The following RNF150 variants were observed in gnomAD, a reference collection of about 807,000 sequenced individuals.
RNF150 encodes ring finger protein 150.
Under a neutral mutation model 39.3 loss-of-function variants are expected in RNF150, and 24 were observed. That is an observed-to-expected ratio of 0.61 (90% CI 0.44 to 0.86). RNF150 has a LOEUF of 0.86. Ranked by LOEUF, RNF150 falls within the 40% of genes least tolerant of loss-of-function variation. The pLI, the probability that RNF150 is intolerant of heterozygous loss-of-function variation, is 0.00. For synonymous variants in RNF150, 255 were observed against 227.3 expected, an observed-to-expected ratio of 1.12 and a Z score of -1.10; for missense variants, 502 against 587.8, an observed-to-expected ratio of 0.85 and a Z score of 1.51.
chr4:141,132,637 C>T lies in RNF150; in HGVS notation c.172G>A (p.Gly58Arg), dbSNP rs1439579087. 1.3e-6 allele frequency: 2 copies of T among 1,585,508 alleles called. No homozygotes were observed. Among genetic ancestry groups the T allele is most frequent in the African/African-American group, 1.4e-5 (1 of 72,660 alleles). The stretch of plus-strand genomic sequence containing the variant: ...TCCGCGCCGCCGCCGCCCGCCGCCC[C>T]GGCCCCGGGGTCCGGCGCGGGCTCG... ...YAEPAPDPGAGAAGGGGAELH... is the reference protein window; with the variant it reads ...YAEPAPDPGARAAGGGGAELH... Residue 58 changes from glycine to arginine, a missense_variant, in exon 1 of 7, where the codon GGG (glycine) becomes AGG (arginine). Physicochemically the swap from Gly to Arg is moderately radical, Grantham distance 125 (BLOSUM62 -2). Coordinates refer to ENST00000515673, the MANE Select transcript of RNF150 (RefSeq NM_020724.2). The surrounding 1 kb of genome is among the most constrained non-coding windows in gnomAD (Gnocchi z 4.9).
chr4:140,988,157 G>A (rs1734072822), intron 1 of RNF150, among the ~76,000 whole-genome samples: 1 of 152,162 alleles, frequency 6.6e-6, no homozygotes, highest in Non-Finnish European at 1.5e-5. Context: ...GCTGGTGGGA[G>A]TGTAAATTAG....
intron 1 of RNF150, among the ~76,000 whole-genome samples, chr4:141,041,301 G>C (rs1365516429): frequency 6.6e-6 from 1 of 152,034 alleles, no homozygotes; most frequent in Non-Finnish European, 1.5e-5. Flanking sequence ...CATGGCAAAG[G>C]CAATAATGAA....
chr4:140,881,433 G>A (rs1729369232), intron 6 of RNF150, among the ~76,000 whole-genome samples: 1 of 152,072 alleles, frequency 6.6e-6, no homozygotes, highest in African/African-American at 2.4e-5. Flanking sequence ...CAATCTGCTG[G>A]GATTACAAGC....
At chr4:141,190,678 G>C (rs1728095620) in intron 1 of RNF150, among the ~76,000 whole-genome samples, 2 of 152,112 alleles carry the variant, frequency 1.3e-5, no homozygotes, top group Non-Finnish European at 2.9e-5. Flanking sequence ...GAAAATAAAA[G>C]GATATTGTTT....
chr4:141,177,232 A>T (rs989065061), intron 1 of RNF150, among the ~76,000 whole-genome samples: 2 of 151,444 alleles, frequency 1.3e-5, no homozygotes, highest in Non-Finnish European at 2.9e-5. Context: ...CTTATCTCTT[A>T]AAAAAAATGT....
intron 4 of RNF150, among the ~76,000 whole-genome samples, chr4:140,943,613 A>G (rs1290235160): frequency 1.3e-5 from 2 of 152,184 alleles, no homozygotes; most frequent in Non-Finnish European, 2.9e-5. Flanking sequence ...ACCATTCTCT[A>G]TCATGAATAC....
intron 1 of RNF150, among the ~76,000 whole-genome samples, chr4:140,974,206 TG>T (rs1369683676): frequency 2.0e-5 from 3 of 152,190 alleles, no homozygotes; most frequent in Non-Finnish European, 4.4e-5. Context: ...CCCTAAGCCT[TG>T]TATATTCTCC....
chr4:141,209,662 T>G (rs1728431628), intron 1 of RNF150, among the ~76,000 whole-genome samples: 1 of 152,142 alleles, frequency 6.6e-6, no homozygotes, highest in African/African-American at 2.4e-5. Context: ...TTTAAATTTA[T>G]TAAGAGTTCA....
At chr4:141,084,952 G>C (rs1450932455) in intron 1 of RNF150, among the ~76,000 whole-genome samples, 1 of 152,182 alleles carries the variant, frequency 6.6e-6, no homozygotes, top group African/African-American at 2.4e-5. Context: ...ATGGCAAAGT[G>C]ATGTTCTGTA....
At chr4:141,000,065 GAAGAAGA>G (rs1734594119) in intron 1 of RNF150, among the ~76,000 whole-genome samples, 3 of 100,582 alleles carry the variant, frequency 3.0e-5, no homozygotes, top group African/African-American at 1.1e-4. Flanking sequence ...AGAAGAAGAA[GAAGAAGA>G]AGAAGAAGAA....
intron 1 of RNF150, among the ~76,000 whole-genome samples, chr4:141,060,130 C>T (rs1279612025): frequency 6.6e-6 from 1 of 152,116 alleles, no homozygotes; most frequent in Non-Finnish European, 1.5e-5. Context: ...AAAAAGGTGG[C>T]TATAACAAAA....
intron 1 of RNF150, among the ~76,000 whole-genome samples, chr4:141,092,898 T>C (rs942325434): frequency 6.6e-6 from 1 of 151,846 alleles, no homozygotes; most frequent in African/African-American, 2.4e-5. Flanking sequence ...TAAACATCTC[T>C]TGTAAAACAT....
chr4:140,973,637 G>A (rs1310316857), intron 1 of RNF150, among the ~76,000 whole-genome samples: 10 of 152,222 alleles, frequency 6.6e-5, no homozygotes, highest in Admixed American at 5.2e-4. Context: ...AGCACTTTGG[G>A]AGGCTGAGGT....
chr4:140,938,225 T>C (rs1346056), intron 4 of RNF150, among the ~76,000 whole-genome samples: 87,923 of 151,964 alleles, frequency 0.58, 26,091 homozygotes, highest in Non-Finnish European at 0.64. Context: ...GTGTCTTTTT[T>C]CAGTGATTTC....
intron 1 of RNF150, among the ~76,000 whole-genome samples, chr4:141,145,026 T>C (rs1272098859): frequency 6.6e-6 from 1 of 152,200 alleles, no homozygotes; most frequent in Non-Finnish European, 1.5e-5. Context: ...TTCCCTGACG[T>C]CTAGATTAAA....
At chr4:141,187,685 TG>T (rs1728037410) in intron 1 of RNF150, among the ~76,000 whole-genome samples, 1 of 152,218 alleles carries the variant, frequency 6.6e-6, no homozygotes, top group East Asian at 1.9e-4. Flanking sequence ...CCTGCTTTTT[TG>T]CTTTCCATTT....
In RNF150 at chr4:141,153,626, T is replaced by G. The variant is rs1578769628; in HGVS notation, c.-6+59168A>C. ...GTAAAGAAATAATGGTAAAACATCT[T>G]CAGATGAGCATTCACCTATCCAAAG... On this transcript the variant is annotated intron_variant, in intron 1 of 7. Transcript: ENST00000420921. 3.3e-5 allele frequency among the ~76,000 whole-genome samples: 5 copies of G among 152,258 alleles called. No homozygotes were observed. The South Asian group carries it at 1.0e-3, about 32-fold the overall frequency.
intron 4 of RNF150, among the ~76,000 whole-genome samples, chr4:140,931,760 A>G (rs1490129767): frequency 1.3e-5 from 2 of 152,244 alleles, no homozygotes; most frequent in Non-Finnish European, 2.9e-5. Flanking sequence ...AAACATTTTA[A>G]AAATAGTTCT....
At chr4:141,090,811 GT>G (rs1020478118) in intron 1 of RNF150, among the ~76,000 whole-genome samples, 5 of 151,416 alleles carry the variant, frequency 3.3e-5, no homozygotes, top group African/African-American at 9.7e-5. Flanking sequence ...TTTTTGTTTT[GT>G]TTTTTTTTCC....
Sources: allele counts gnomAD v4.1 joint callset (sites outside exome capture counted in the v4.1 genomes callset), GRCh38; gene constraint gnomAD v4.1.1; non-coding constraint Gnocchi (gnomAD v3.1); transcripts MANE v1.5; gene names NCBI Gene and HGNC (gene_info 2026-07-23, HGNC 2026-07-21).